Variants in COL6A3 observed in about 807,000 individuals in gnomAD.
The protein encoded by COL6A3 is collagen type VI alpha 3 chain.
A neutral mutation model predicts 274.1 loss-of-function variants in COL6A3; 137 were observed. The observed-to-expected ratio is 0.50, with a 90% confidence interval of 0.44 to 0.58. The LOEUF (loss-of-function observed/expected upper bound fraction) is 0.58, where lower values mean the gene tolerates loss of function less well. Ranked by LOEUF, COL6A3 falls within the 20% of genes least tolerant of loss-of-function variation. COL6A3 has a pLI of 0.00. For synonymous variants in COL6A3, 1,650 were observed against 1,650.6 expected (o/e 1.00, Z 0.01); for missense variants, 3,950 against 4,124.9 (o/e 0.96, Z 1.16).
rs968300278 is a variant in COL6A3 at position 237,413,101 on chromosome 2, T to A, written c.-31+852A>T. ...CCACTGTCAGCGAACGTGTCCATCC[T>A]CAGCAAGAGAGGGCCCGAGCCCCAC... On this transcript the variant is annotated intron_variant, in intron 1 of 43. Coordinates refer to ENST00000295550, the MANE Select transcript of COL6A3 (RefSeq NM_004369.4). This position sits in a 1 kb window ranked among gnomAD's most constrained non-coding sequence, Gnocchi z 4.0. 6.6e-6 allele frequency among the ~76,000 whole-genome samples: 1 copy of A among 152,134 alleles called. No individual in the cohort carries two copies.
chr2:237,325,594 T>C lies in COL6A3; in HGVS notation c.9459A>G (p.Gly3153=), dbSNP rs886044034. Reference sequence around the variant, plus strand: ...AAACCTTTTCACATTCTTTCTGTGATCCAAATTTGTTTTCGTTTCCACCAC... The same window carrying C: ...AAACCTTTTCACATTCTTTCTGTGACCCAAATTTGTTTTCGTTTCCACCAC... ...GGCGGNENKF[G]SQKECEKVCA... is the part of the protein sequence containing the mutation. The change falls in exon 43 of 44, where the codon GGA becomes GGG. Residue 3153 remains glycine, a synonymous_variant. Transcript: ENST00000295550. 1.9e-6 allele frequency: 3 copies of C among 1,614,074 alleles called. No individual in the cohort carries two copies. Among genetic ancestry groups the C allele is most frequent in the African/African-American group, 2.7e-5 (2 of 74,940 alleles).
chr2:237,356,386 A>G (rs934532117), intron 23 of COL6A3, among the ~76,000 whole-genome samples: 1 of 152,228 alleles, frequency 6.6e-6, no homozygotes, highest in Admixed American at 6.5e-5. Flanking sequence ...AATAGTGCTC[A>G]AACATTTTAA....
At chr2:237,394,520 C>G (rs964253817) in intron 3 of COL6A3, 67 bp downstream of exon 3, 15 of 1,607,554 alleles carry the variant, frequency 9.3e-6, no homozygotes, top group Middle Eastern at 4.2e-4. Context: ...GCTTTAAGGC[C>G]AGCAGTTGCC....
intron 40 of COL6A3, 149 bp downstream of exon 40, chr2:237,335,986 C>G: frequency 9.8e-7 from 1 of 1,017,488 alleles, no homozygotes; most frequent in Non-Finnish European, 1.4e-6. Context: ...GAATCCCTAA[C>G]CAACACCTCT....
chr2:237,408,739 G>A (rs193243168), intron 1 of COL6A3, among the ~76,000 whole-genome samples: 2 of 152,230 alleles, frequency 1.3e-5, no homozygotes, highest in African/African-American at 4.8e-5. Flanking sequence ...ATTCTCAAAT[G>A]TTTCTCTGTA....
At chr2:237,355,115 A>G in intron 23 of COL6A3, 181 bp from the exon 24 acceptor site, 2 of 579,926 alleles carry the variant, frequency 3.4e-6, no homozygotes, top group South Asian at 5.0e-5. Context: ...ACTCGCACAC[A>G]CAGACACCCT....
Position 237,357,850 on chromosome 2 carries a change from T to C in COL6A3, c.6504A>G (p.Gly2168=). 1 of 1,614,106 alleles carries C rather than the reference T, an allele frequency of 6.2e-7. No individual in the cohort carries two copies. Among genetic ancestry groups the C allele is most frequent in the Non-Finnish European group, 8.5e-7 (1 of 1,180,028 alleles). ...GNPGQDSQER[G]PKGETGDLGP... Reference sequence around the variant, plus strand: ...CGAGGTCACCGGTTTCTCCTTTGGGTCCTCTCTCCTGGCTGTCTTGTCCTG... The same window carrying C: ...CGAGGTCACCGGTTTCTCCTTTGGGCCCTCTCTCCTGGCTGTCTTGTCCTG... Residue 2168 remains glycine (G), a synonymous_variant, in exon 22 of 44, where the codon GGA becomes GGG. Transcript: ENST00000295550.
rs566318521 is a variant in COL6A3 at position 237,404,672 on chromosome 2, A to G, written c.-30-7825T>C. 1.1e-4 allele frequency among the ~76,000 whole-genome samples: 16 copies of G among 152,304 alleles called. No homozygotes were observed. The East Asian group carries it at 3.1e-3, about 29-fold the overall frequency. On this transcript the variant is annotated intron_variant, in intron 1 of 43. Coordinates refer to ENST00000295550, the MANE Select transcript of COL6A3 (RefSeq NM_004369.4). Reference sequence around the variant, plus strand: ...ATTATGCCTTGAGCAGGTTTTGCTAATGGTTTTCTTAATCATTCCCATACC... The same window carrying G: ...ATTATGCCTTGAGCAGGTTTTGCTAGTGGTTTTCTTAATCATTCCCATACC...
At chr2:237,356,553 C>T (rs2077321470) in intron 23 of COL6A3, among the ~76,000 whole-genome samples, 1 of 152,220 alleles carries the variant, frequency 6.6e-6, no homozygotes, top group Non-Finnish European at 1.5e-5. Flanking sequence ...GCCACTGCCC[C>T]TCAGGGCGTG....
intron 1 of COL6A3, among the ~76,000 whole-genome samples, chr2:237,411,227 G>A (rs1045093982): frequency 2.6e-5 from 4 of 152,164 alleles, no homozygotes; most frequent in African/African-American, 4.8e-5. Context: ...CTTCCAAAAA[G>A]AGCAGTGACA....
intron 1 of COL6A3, among the ~76,000 whole-genome samples, chr2:237,408,008 C>G (rs191157247): frequency 6.6e-6 from 1 of 152,342 alleles, no homozygotes; most frequent in East Asian, 1.9e-4. Context: ...TAAGGTGCTA[C>G]TGACCTTTCC....
At chr2:237,337,548 T>C (rs1002951486) in intron 39 of COL6A3, among the ~76,000 whole-genome samples, 2 of 152,226 alleles carry the variant, frequency 1.3e-5, no homozygotes, top group Non-Finnish European at 2.9e-5. Flanking sequence ...TTTCCCCATC[T>C]TGAGAGTCAG....
intron 5 of COL6A3, among the ~76,000 whole-genome samples, 168 bp downstream of exon 5, chr2:237,380,747 A>G (rs2077980329): frequency 6.6e-6 from 1 of 152,242 alleles, no homozygotes; most frequent in Non-Finnish European, 1.5e-5. Context: ...AAACCATACA[A>G]TCCTGAACCC....
Position 237,363,146 on chromosome 2 carries a change from C to CT in COL6A3, c.6063+106_6063+107insA, listed in dbSNP as rs568898632. On this transcript the variant is annotated intron_variant, in intron 14 of 43. Coordinates refer to ENST00000295550, the MANE Select transcript of COL6A3 (RefSeq NM_004369.4). ...ATAAATTTAACTATCTACCAAGGCC[C>CT]CCCCCCCACCTCCATTCACCTGCTG... 1.3e-5 allele frequency: 15 copies of CT among 1,113,352 alleles called. No homozygotes were observed. The Admixed American group carries it at 1.7e-4, about 13-fold the overall frequency. The allele number at this position is 1,113,352 out of a possible 1,614,324, so 69.0% of individuals were successfully genotyped here.
At chr2:237,375,743 A>G (rs1033205832) in intron 7 of COL6A3, among the ~76,000 whole-genome samples, 5 of 152,274 alleles carry the variant, frequency 3.3e-5, no homozygotes, top group Admixed American at 2.0e-4. Flanking sequence ...GGGTTTCACC[A>G]TGTTGGTCAG....
In COL6A3 at chr2:237,394,387, C is replaced by T. The variant is rs72986178; in HGVS notation, c.709+200G>A. ...ATTAGTTGTTTAAAAAAAGACTCTT[C>T]TTGTATGTAGGTGAATGCCCTACTT... On this transcript the variant is annotated intron_variant, in intron 3 of 43. Transcript: ENST00000295550. 4.9e-3 allele frequency among the ~76,000 whole-genome samples: 742 copies of T among 152,294 alleles called. 6 individuals carry two copies. Among genetic ancestry groups the T allele is most frequent in the Non-Finnish European group, 6.7e-3 (457 of 68,012 alleles).
At chr2:237,377,422 T>C (rs2077878998) in intron 6 of COL6A3, 78 bp from the exon 7 acceptor site, 6 of 1,426,336 alleles carry the variant, frequency 4.2e-6, no homozygotes, top group South Asian at 2.3e-5. Flanking sequence ...CCAGCACCAT[T>C]TGACAACAGG....
rs750544341 is a variant in COL6A3, at chr2:237,374,288, G to A, written c.3679+124C>T. The A allele has an allele frequency of 1.0e-4, 148 of 1,422,148 alleles. No individual in the cohort carries two copies. The highest frequency in any genetic ancestry group is 1.4e-4 in the Non-Finnish European group (141 of 1,024,460). 88.1% of individuals were successfully genotyped at this position (1,422,148 alleles called of 1,614,324 possible). A position where few individuals can be genotyped will look rare whatever the true frequency, so the allele number is the denominator to read the frequency against. ...GGCATGTGGGTTCCTAAATTTTCCT[G>A]TAATTTTAGTTTTCACTTCACATGG... On this transcript the variant is annotated intron_variant, in intron 8 of 43. Transcript: ENST00000295550. This position sits in a 1 kb window ranked among gnomAD's most constrained non-coding sequence, Gnocchi z 4.8.
intron 23 of COL6A3, 27 bp from the exon 24 acceptor site, chr2:237,354,961 G>A: frequency 1.2e-6 from 2 of 1,609,466 alleles, no homozygotes; most frequent in Non-Finnish European, 1.7e-6. Flanking sequence ...CCCACAAACT[G>A]TGAGGGGGAG....
Sources: allele counts gnomAD v4.1 joint callset (sites outside exome capture counted in the v4.1 genomes callset), GRCh38; gene constraint gnomAD v4.1.1; non-coding constraint Gnocchi (gnomAD v3.1); transcripts MANE v1.5; gene names NCBI Gene and HGNC (gene_info 2026-07-23, HGNC 2026-07-21).